Variants in MINDY4B observed in about 807,000 individuals in gnomAD.
MINDY4B encodes the protein MINDY family member 4B.
In MINDY4B, 25 loss-of-function variants were observed where a neutral mutation model predicts 16.7. The observed-to-expected ratio is 1.49, with a 90% CI of 1.09 to 2.09. The LOEUF is 2.09. Ranked by LOEUF, MINDY4B falls within the 30% of genes most tolerant of loss-of-function variation. The pLI is 0.00. For missense variants in MINDY4B, 327 were observed against 168.4 expected, an observed-to-expected ratio of 1.94 and a Z score of -5.21; for synonymous variants, 132 against 61.9, an observed-to-expected ratio of 2.13 and a Z score of -5.32.
chr3:150,882,556 GTA>G (rs1711538248), intron 10 of MINDY4B, among the ~76,000 whole-genome samples: 1 of 142,704 alleles, frequency 7.0e-6, no homozygotes, highest in Non-Finnish European at 1.5e-5. Context: ...TTGTGTATGT[GTA>G]TGTGTGTATA....
intron 7 of MINDY4B, among the ~76,000 whole-genome samples, chr3:150,889,538 T>G (rs1356121037): frequency 6.6e-6 from 1 of 152,234 alleles, no homozygotes; most frequent in African/African-American, 2.4e-5. Context: ...TGTAATATAT[T>G]TACAAGTTCC....
At chr3:150,904,131 C>A (rs1288788522) in intron 2 of MINDY4B, among the ~76,000 whole-genome samples, 2 of 152,338 alleles carry the variant, frequency 1.3e-5, no homozygotes, top group East Asian at 3.9e-4. Flanking sequence ...GCATTCAAAT[C>A]ACGGACTACT....
At chr3:150,894,738 C>A (rs764915622) in intron 3 of MINDY4B, among the ~76,000 whole-genome samples, 1 of 152,058 alleles carries the variant, frequency 6.6e-6, no homozygotes, top group Non-Finnish European at 1.5e-5. Context: ...CTCTGCAGCA[C>A]GTTGAGATTC....
At chr3:150,894,033 T>G (rs1425714467) in intron 4 of MINDY4B, among the ~76,000 whole-genome samples, 153 bp downstream of exon 4, 1 of 152,216 alleles carries the variant, frequency 6.6e-6, no homozygotes, top group Non-Finnish European at 1.5e-5. Flanking sequence ...TTTTAAATAG[T>G]CTGTTATCAT....
chr3:150,872,663 A>G (rs1398758553), intron 11 of MINDY4B, among the ~76,000 whole-genome samples: 1 of 152,228 alleles, frequency 6.6e-6, no homozygotes, highest in Non-Finnish European at 1.5e-5. Context: ...CCTGTGCCGC[A>G]TTCACCAGTT....
intron 3 of MINDY4B, among the ~76,000 whole-genome samples, chr3:150,900,009 C>T (rs1712078565): frequency 6.6e-6 from 1 of 152,154 alleles, no homozygotes; most frequent in Non-Finnish European, 1.5e-5. Flanking sequence ...GTGTTCAAGG[C>T]TGAGTCCAGA....
At chr3:150,881,128 A>G (rs951664963) in intron 10 of MINDY4B, among the ~76,000 whole-genome samples, 1 of 152,232 alleles carries the variant, frequency 6.6e-6, no homozygotes, top group Non-Finnish European at 1.5e-5. Context: ...CACGCCTGTA[A>G]TCCCAGCACT....
rs1421605141 is a variant in MINDY4B, at chr3:150,885,451, G to GAA, written c.754-15_754-14dup. On this transcript the variant is annotated splice_polypyrimidine_tract_variant and intron_variant, in intron 7 of 11. Transcript: ENST00000465419. Reference sequence around the variant, plus strand: ...CTTCCCCTCTGAACTGTTCGGAAAAGAAAAGAAAAGCATGTTGGTCTAAAA... The same window carrying GAA: ...CTTCCCCTCTGAACTGTTCGGAAAAGAAAAAAGAAAAGCATGTTGGTCTAAAA... The GAA allele has an allele frequency of 6.1e-6, 4 of 653,400 alleles. 1 individual carries two copies. The Admixed American group carries it at 8.8e-5, about 14-fold the overall frequency. 40.5% of individuals were successfully genotyped at this position (653,400 alleles called of 1,614,324 possible).
At chr3:150,887,178 C>T (rs1711647797) in intron 7 of MINDY4B, among the ~76,000 whole-genome samples, 1 of 152,142 alleles carries the variant, frequency 6.6e-6, no homozygotes, top group African/African-American at 2.4e-5. Flanking sequence ...CACAACCTGA[C>T]TGTCTGATAA....
intron 2 of MINDY4B, among the ~76,000 whole-genome samples, chr3:150,904,648 C>G (rs1712198240): frequency 6.6e-6 from 1 of 152,272 alleles, no homozygotes; most frequent in East Asian, 1.9e-4. Context: ...ATTCAGTCAT[C>G]TTTCTCTTAT....
rs940846020 is a variant in MINDY4B at position 150,903,339 on chromosome 3, A to G, written c.219T>C (p.His73=). ...TGLSQPKGQG[H]LPSSGLCSIP... ...TAGAACAAAGGCCACTTGATGGCAAATGTCCTTGTCCTTTGGGCTGAGATA... is the reference window on the plus strand; with the variant it reads ...TAGAACAAAGGCCACTTGATGGCAAGTGTCCTTGTCCTTTGGGCTGAGATA... Residue 73 remains histidine, a synonymous_variant, in exon 3 of 12, where the codon CAT becomes CAC. Transcript: ENST00000465419. 5.0e-6 allele frequency: 2 copies of G among 398,476 alleles called. No individual in the cohort carries two copies. The highest frequency in any genetic ancestry group is 8.8e-6 in the Non-Finnish European group (2 of 226,042). 24.7% of individuals were successfully genotyped at this position (398,476 alleles called of 1,614,324 possible).
At chr3:150,896,043 TC>T (rs772301720) in intron 3 of MINDY4B, among the ~76,000 whole-genome samples, 1 of 152,050 alleles carries the variant, frequency 6.6e-6, no homozygotes, top group Non-Finnish European at 1.5e-5. Flanking sequence ...ATCCCAGACT[TC>T]TTGGAGGCTT....
At chr3:150,892,339 C>T (rs1036999075) in intron 5 of MINDY4B, among the ~76,000 whole-genome samples, 1 of 152,260 alleles carries the variant, frequency 6.6e-6, no homozygotes, top group African/African-American at 2.4e-5. Flanking sequence ...GCTTCCCTCA[C>T]TCCCTTATGG....
intron 6 of MINDY4B, 153 bp from the exon 7 acceptor site, chr3:150,890,538 C>A: frequency 2.0e-6 from 1 of 488,908 alleles, no homozygotes. Flanking sequence ...CAAGGCCATG[C>A]AAAACATAAA....
rs536426980 is a variant in MINDY4B, at chr3:150,903,461, G to A, written c.142-45C>T. 7.5e-6 allele frequency: 3 copies of A among 398,362 alleles called. 1 individual carries two copies. The highest frequency in any genetic ancestry group is 2.6e-4 in the South Asian group (2 of 7,838). The allele number at this position is 398,362 out of a possible 1,614,324, so 24.7% of individuals were successfully genotyped here. Reference sequence around the variant, plus strand: ...ACAAAAGACAAAGCAAACAGAGCTGGTGATGACCTTGTTTTAAATTTTCTC... The same window carrying A: ...ACAAAAGACAAAGCAAACAGAGCTGATGATGACCTTGTTTTAAATTTTCTC... On this transcript the variant is annotated intron_variant, in intron 2 of 11. Coordinates refer to ENST00000465419, the MANE Select transcript of MINDY4B (RefSeq NM_001351281.2).
chr3:150,888,316 C>A (rs954297531), intron 7 of MINDY4B, among the ~76,000 whole-genome samples: 2 of 152,116 alleles, frequency 1.3e-5, no homozygotes, highest in Admixed American at 1.3e-4. Flanking sequence ...TAGGGCCCAA[C>A]CTAACTGAGT....
At chr3:150,880,363 G>C (rs1711512862) in intron 10 of MINDY4B, among the ~76,000 whole-genome samples, 1 of 151,734 alleles carries the variant, frequency 6.6e-6, no homozygotes, top group Non-Finnish European at 1.5e-5. Context: ...GCGCCCATTG[G>C]TGGCATGTGG....
At chr3:150,897,965 A>T (rs1423788642) in intron 3 of MINDY4B, among the ~76,000 whole-genome samples, 1 of 152,234 alleles carries the variant, frequency 6.6e-6, no homozygotes, top group Non-Finnish European at 1.5e-5. Flanking sequence ...GACTGCTCCC[A>T]ACTCAAGGGC....
rs143615324 is a variant in MINDY4B, at chr3:150,902,699, C to T, written c.309+550G>A. On this transcript the variant is annotated intron_variant, in intron 3 of 11. Transcript: ENST00000465419. ...AGTCTTGAATTGAGCAAATGGTCCC[C>T]GGGACCAATAGCTTACAGATCCTGG... Among the ~76,000 whole-genome samples the T allele has an allele frequency of 2.0e-3, 309 of 152,302 alleles. 3 individuals are homozygous for T. Among genetic ancestry groups the T allele is most frequent in the African/African-American group, 7.1e-3 (297 of 41,568 alleles).
Sources: gnomAD v4.1 joint callset for allele counts (sites outside exome capture counted in the v4.1 genomes callset) on GRCh38, gnomAD v4.1.1 for gene constraint, MANE v1.5 for transcripts, NCBI Gene and HGNC (gene_info 2026-07-23, HGNC 2026-07-21) for gene names.